KCNIP4: variants seen among roughly 807,000 people sequenced by gnomAD.
The protein encoded by KCNIP4 is Kv channel-interacting protein 4.
Under a neutral mutation model 34.0 loss-of-function variants are expected in KCNIP4, and 12 were observed. The observed-to-expected ratio is 0.35, with a 90% CI of 0.23 to 0.57. The LOEUF is 0.57. Ranked by LOEUF, KCNIP4 falls within the 20% of genes least tolerant of loss-of-function variation. The pLI is 0.83. For synonymous variants in KCNIP4, 124 were observed against 102.2 expected, an observed-to-expected ratio of 1.21 and a Z score of -1.29; for missense variants, 238 against 311.7, an observed-to-expected ratio of 0.76 and a Z score of 1.78.
At chr4:21,510,933 A>T (rs555157449) in intron 1 of KCNIP4, among the ~76,000 whole-genome samples, 2 of 152,272 alleles carry the variant, frequency 1.3e-5, no homozygotes, top group Admixed American at 6.5e-5. Flanking sequence ...AGTCCCAGCT[A>T]CTAGGGAGGC....
chr4:21,926,556 C>A (rs1485235601), intron 1 of KCNIP4, among the ~76,000 whole-genome samples: 1 of 152,166 alleles, frequency 6.6e-6, no homozygotes, highest in African/African-American at 2.4e-5. Flanking sequence ...AGGATAGGCA[C>A]TTTACAGTTG....
At chr4:20,990,984 T>C (rs1044170597) in intron 1 of KCNIP4, among the ~76,000 whole-genome samples, 2 of 152,202 alleles carry the variant, frequency 1.3e-5, no homozygotes, top group African/African-American at 2.4e-5. Context: ...AACTGTCTCA[T>C]TGAGTTGTCG....
intron 1 of KCNIP4, among the ~76,000 whole-genome samples, chr4:21,840,088 A>G (rs1467199617): frequency 1.3e-5 from 2 of 151,994 alleles, no homozygotes; most frequent in African/African-American, 4.8e-5. Flanking sequence ...CTTTACCATT[A>G]CAAAGCACCG....
chr4:21,082,352 G>A (rs189038226), intron 1 of KCNIP4, among the ~76,000 whole-genome samples: 95 of 151,808 alleles, frequency 6.3e-4, no homozygotes, highest in Middle Eastern at 6.8e-3. Context: ...AAAGCTACTA[G>A]GAGCAAGAAC....
intron 1 of KCNIP4, among the ~76,000 whole-genome samples, chr4:20,947,035 C>A (rs77691447): frequency 0.044 from 6,673 of 152,230 alleles, 309 homozygotes; most frequent in African/African-American, 0.12. Flanking sequence ...CTCTCTCTGG[C>A]ATACCTGGCA....
intron 1 of KCNIP4, among the ~76,000 whole-genome samples, chr4:21,058,650 T>C (rs576262261): frequency 6.6e-6 from 1 of 152,258 alleles, no homozygotes; most frequent in African/African-American, 2.4e-5. Flanking sequence ...AGCCTAGCCA[T>C]AAGGTTTCTA....
At chr4:21,648,520 T>G (rs192755069) in intron 1 of KCNIP4, among the ~76,000 whole-genome samples, 173 of 152,238 alleles carry the variant, frequency 1.1e-3, no homozygotes, top group Admixed American at 2.0e-3. Context: ...ATATCTTGCC[T>G]GAAATGGAAA....
chr4:20,865,311 A>T (rs151249953), intron 2 of KCNIP4, among the ~76,000 whole-genome samples: 2,053 of 152,224 alleles, frequency 0.013, 23 homozygotes, highest in Non-Finnish European at 0.021. Context: ...TCAGTGGCTA[A>T]CTTATTCTTT....
intron 1 of KCNIP4, among the ~76,000 whole-genome samples, chr4:21,506,306 C>A (rs1481873922): frequency 6.6e-6 from 1 of 152,088 alleles, no homozygotes; most frequent in Admixed American, 6.6e-5. Context: ...TCATAGCCAC[C>A]TGACATTGGA....
intron 1 of KCNIP4, among the ~76,000 whole-genome samples, chr4:21,553,369 A>C (rs1380298210): frequency 1.3e-5 from 2 of 152,134 alleles, no homozygotes; most frequent in African/African-American, 4.8e-5. Flanking sequence ...AATATGTATA[A>C]AAATACCGGC....
At chr4:20,886,884 C>A (rs1211943891) in intron 1 of KCNIP4, among the ~76,000 whole-genome samples, 2 of 152,084 alleles carry the variant, frequency 1.3e-5, no homozygotes, top group Non-Finnish European at 2.9e-5. Flanking sequence ...CTAATAACAT[C>A]TTTTGTACTA....
At chr4:21,757,162 A>G (rs867868675) in intron 1 of KCNIP4, among the ~76,000 whole-genome samples, 3 of 30,086 alleles carry the variant, frequency 1.0e-4, no homozygotes, top group Admixed American at 3.4e-4. Flanking sequence ...AAAGAAAGAA[A>G]GAAAGAAGGA....
intron 3 of KCNIP4, among the ~76,000 whole-genome samples, chr4:20,822,642 G>A (rs918024440): frequency 2.6e-5 from 4 of 152,146 alleles, no homozygotes; most frequent in Admixed American, 6.5e-5. Context: ...TTGAGTTGTC[G>A]CTGGAACAAG....
chr4:21,791,606 T>C (rs888313838), intron 1 of KCNIP4, among the ~76,000 whole-genome samples: 1 of 152,124 alleles, frequency 6.6e-6, no homozygotes, highest in Non-Finnish European at 1.5e-5. Flanking sequence ...GATGTCTGTG[T>C]CCACACTCAT....
chr4:21,320,736 C>G (rs938975364), intron 1 of KCNIP4, among the ~76,000 whole-genome samples: 1 of 151,846 alleles, frequency 6.6e-6, no homozygotes, highest in Non-Finnish European at 1.5e-5. Flanking sequence ...TTTGGGAGAC[C>G]AAGGCGGGTG....
At chr4:20,941,302 C>T (rs1342736122) in intron 1 of KCNIP4, among the ~76,000 whole-genome samples, 3 of 152,168 alleles carry the variant, frequency 2.0e-5, no homozygotes, top group Non-Finnish European at 4.4e-5. Context: ...GAACTTATTT[C>T]TGCTTTACTT....
chr4:21,695,338 G>A (rs1190029276), intron 1 of KCNIP4, among the ~76,000 whole-genome samples: 5 of 151,972 alleles, frequency 3.3e-5, no homozygotes, highest in African/African-American at 1.2e-4. Context: ...ACAGGTTGCT[G>A]CAATCACATT....
At chr4:21,440,825 A>G (rs1345360020) in intron 1 of KCNIP4, among the ~76,000 whole-genome samples, 2 of 152,228 alleles carry the variant, frequency 1.3e-5, no homozygotes, top group South Asian at 2.1e-4. Flanking sequence ...ACTCAATTGC[A>G]TGACCTCCTT....
At chr4:21,835,855 G>A (rs749654568) in intron 1 of KCNIP4, among the ~76,000 whole-genome samples, 24 of 152,038 alleles carry the variant, frequency 1.6e-4, no homozygotes, top group Non-Finnish European at 3.1e-4. Context: ...CACTGAAAAT[G>A]AATAAGCCAC....
Sources: allele counts gnomAD v4.1 joint callset (sites outside exome capture counted in the v4.1 genomes callset), GRCh38; gene constraint gnomAD v4.1.1; transcripts MANE v1.5; gene names NCBI Gene and HGNC (gene_info 2026-07-23, HGNC 2026-07-21).